RGPD4: variants seen among roughly 807,000 people sequenced by gnomAD.
RGPD4 encodes ranBP2-like and GRIP domain-containing protein 4.
RGPD4 carries 84 observed loss-of-function variants against 141.1 expected under a neutral mutation model. The observed-to-expected ratio is 0.60, with a 90% CI of 0.50 to 0.71. The LOEUF (loss-of-function observed/expected upper bound fraction) is 0.71. Ranked by LOEUF, RGPD4 falls within the 30% of genes least tolerant of loss-of-function variation. RGPD4 has a pLI of 0.00. For missense variants in RGPD4, 918 were observed against 1,622.4 expected, an observed-to-expected ratio of 0.57 and a Z score of 7.46; for synonymous variants, 298 against 566.8, an observed-to-expected ratio of 0.53 and a Z score of 6.74.
In RGPD4 at chr2:107,871,175, A is replaced by G. The variant is rs748504864; in HGVS notation, c.3171A>G (p.Glu1057=). The change falls in exon 20 of 23, where the codon GAA becomes GAG. Residue 1057 remains glutamate, a synonymous_variant. Coordinates refer to ENST00000408999, the MANE Select transcript of RGPD4 (RefSeq NM_182588.3). ...KVELVIGEEG[E]KVLYSQGVKL... ...AACTTGTAATAGGAGAAGAAGGTGA[A>G]AAAGTTCTGTATTCACAGGGGGTAA... 6.2e-7 allele frequency: 1 copy of G among 1,610,510 alleles called. No homozygotes were observed. The highest frequency in any genetic ancestry group is 1.1e-5 in the South Asian group (1 of 90,932).
At chr2:107,864,182 A>G (rs940158786) in intron 17 of RGPD4, among the ~76,000 whole-genome samples, 3 of 147,460 alleles carry the variant, frequency 2.0e-5, no homozygotes, top group South Asian at 4.4e-4. Flanking sequence ...AGGTTCTTTC[A>G]TGTTTATCAG....
intron 7 of RGPD4, among the ~76,000 whole-genome samples, chr2:107,852,331 A>G (rs1471356815): frequency 6.6e-6 from 1 of 152,062 alleles, no homozygotes; most frequent in Non-Finnish European, 1.5e-5. Context: ...CACAAATTCA[A>G]CTGTTGAATA....
At position 107,849,065 on chromosome 2, in the gene RGPD4, AT is replaced by A. The variant is rs960392652; in HGVS notation, c.978+537del. 5.5e-4 allele frequency among the ~76,000 whole-genome samples: 68 copies of A among 122,674 alleles called. 2 individuals carry two copies. Among genetic ancestry groups the A allele is most frequent in the Non-Finnish European group, 9.8e-4 (58 of 59,046 alleles). 80.5% of individuals were successfully genotyped at this position (122,674 alleles called of 152,430 possible). On this transcript the variant is annotated intron_variant, in intron 7 of 22. Transcript: ENST00000408999. ...ACCTTTTCTTATTTTTTATTTTTTT[AT>A]TTTTTTTGAGACCAAGTCTCTCTCT...
rs561727484 is a variant in RGPD4, at chr2:107,882,767, C to A, written c.5160C>A (p.Phe1720Leu). Residue 1720 changes from phenylalanine (F) to leucine (L), a missense_variant, in exon 22 of 23, where the codon TTC (phenylalanine) becomes TTA (leucine). Phe to Leu is a conservative substitution (Grantham distance 22). Transcript: ENST00000408999. ...ACTTGAAGAACGTCTTGCTGCAGTT[C>A]ATTTTCTTGAAGCCAGGTAGTGAAA... ...VEHLKNVLLQFIFLKPGSERE... is the reference protein window; with the variant it reads ...VEHLKNVLLQLIFLKPGSERE... The A allele has an allele frequency of 6.2e-7, 1 of 1,611,384 alleles. No individual in the cohort carries two copies. Among genetic ancestry groups the A allele is most frequent in the African/African-American group, 1.3e-5 (1 of 74,392 alleles).
At chr2:107,854,229 T>TC (rs1279377972) in intron 7 of RGPD4, among the ~76,000 whole-genome samples, 5 of 142,836 alleles carry the variant, frequency 3.5e-5, no homozygotes, top group Non-Finnish European at 7.6e-5. Context: ...CTCTTTGTTT[T>TC]TTTTTTTTAT....
chr2:107,829,486 G>A (rs1374756774), intron 1 of RGPD4, among the ~76,000 whole-genome samples: 1 of 94,000 alleles, frequency 1.1e-5, no homozygotes, highest in Non-Finnish European at 2.3e-5. Flanking sequence ...TGGCTCAGGC[G>A]TCATGGCTAC....
At chr2:107,846,422 AT>A (rs1376027705) in intron 6 of RGPD4, among the ~76,000 whole-genome samples, 3 of 151,922 alleles carry the variant, frequency 2.0e-5, no homozygotes, top group Non-Finnish European at 4.4e-5. Context: ...CAAATAAAAA[AT>A]GTAATCCATT....
chr2:107,883,050 G>A (rs977750415), intron 22 of RGPD4, 177 bp downstream of exon 22: 70 of 1,100,792 alleles, frequency 6.4e-5, no homozygotes, highest in Non-Finnish European at 8.8e-5. Flanking sequence ...TGGGGCAACT[G>A]TAGTACATTT....
In RGPD4 at chr2:107,854,225, G is replaced by GT. The variant is rs1205040896; in HGVS notation, c.979-319dup. ...TGTGTGCCACCACGCCTGGCTCTTT[G>GT]TTTTTTTTTTTTATTTTTAGTAGAG... On this transcript the variant is annotated intron_variant, in intron 7 of 22. Transcript: ENST00000408999. 7.9e-3 allele frequency among the ~76,000 whole-genome samples: 1,077 copies of GT among 136,424 alleles called. 9 individuals are homozygous for GT. Among genetic ancestry groups the GT allele is most frequent in the African/African-American group, 0.024 (830 of 34,892 alleles). The allele number at this position is 136,424 out of a possible 152,430, so 89.5% of individuals were successfully genotyped here.
In RGPD4 at chr2:107,846,318, G is replaced by C. The variant is rs200604851; in HGVS notation, c.783-2023G>C. On this transcript the variant is annotated intron_variant, in intron 6 of 22. Coordinates refer to ENST00000408999, the MANE Select transcript of RGPD4 (RefSeq NM_182588.3). Reference sequence around the variant, plus strand: ...CTTGACATCGTGATCCGCCTGCCTTGGCCTTCCAAAGTGCTGGGATTGCAG... The same window carrying C: ...CTTGACATCGTGATCCGCCTGCCTTCGCCTTCCAAAGTGCTGGGATTGCAG... 2.0e-5 allele frequency among the ~76,000 whole-genome samples: 3 copies of C among 151,434 alleles called. No homozygotes were observed. In the East Asian group the frequency reaches 5.8e-4, roughly 29 times the overall value.
rs2259939 is a variant in RGPD4, at chr2:107,838,847, G to T, written c.288G>T (p.Leu96=). 45,708 of 642,528 alleles carry T rather than the reference G, an allele frequency of 0.071. 20,380 individuals carry two copies. The highest frequency in any genetic ancestry group is 0.33 in the African/African-American group (4,176 of 12,668). The allele number at this position is 642,528 out of a possible 1,614,324, so 39.8% of individuals were successfully genotyped here. Residue 96 remains leucine, a synonymous_variant, in exon 4 of 23, where the codon CTG becomes CTT. Coordinates refer to ENST00000408999, the MANE Select transcript of RGPD4 (RefSeq NM_182588.3). The part of the protein sequence containing the change: ...SVELNPTQKD[L]VLKIAELLCK... Reference sequence around the variant, plus strand: ...AATTAAACCCAACACAAAAAGATCTGGTGTTGAAGATTGCAGAATTGCTTT... The same window carrying T: ...AATTAAACCCAACACAAAAAGATCTTGTGTTGAAGATTGCAGAATTGCTTT...
intron 6 of RGPD4, among the ~76,000 whole-genome samples, chr2:107,845,995 C>G (rs1312456504): frequency 8.1e-6 from 1 of 123,348 alleles, no homozygotes; most frequent in Non-Finnish European, 1.7e-5. Context: ...GGCGCCATCT[C>G]GGCTCACTGC....
intron 9 of RGPD4, among the ~76,000 whole-genome samples, chr2:107,857,657 A>C (rs1682372612): frequency 6.6e-6 from 1 of 150,770 alleles, no homozygotes; most frequent in East Asian, 1.9e-4. Context: ...CTAGTCTCCA[A>C]CTCCTAGGCT....
At chr2:107,857,101 TTGAA>T (rs1201822080) in intron 9 of RGPD4, 132 bp downstream of exon 9, 1 of 225,214 alleles carries the variant, frequency 4.4e-6, no homozygotes, top group Non-Finnish European at 8.1e-6. Flanking sequence ...TGGGGGGAGT[TTGAA>T]TGTGGTGCTG....
intron 20 of RGPD4, 27 bp from the exon 21 acceptor site, chr2:107,879,941 A>T: frequency 5.6e-6 from 9 of 1,610,070 alleles, no homozygotes; most frequent in Non-Finnish European, 7.6e-6. Flanking sequence ...GATTTTGAAA[A>T]TTAATTCTTG....
intron 18 of RGPD4, among the ~76,000 whole-genome samples, chr2:107,866,818 G>T (rs192605661): frequency 8.8e-6 from 1 of 113,778 alleles, no homozygotes; most frequent in Non-Finnish European, 1.9e-5. Flanking sequence ...TATAATAGCT[G>T]TGTAAGTTAA....
chr2:107,888,495 C>A (rs1253706057), intron 22 of RGPD4, among the ~76,000 whole-genome samples: 1 of 151,114 alleles, frequency 6.6e-6, no homozygotes, highest in Non-Finnish European at 1.5e-5. Flanking sequence ...AATATCGCTT[C>A]CTTCTACTTT....
intron 20 of RGPD4, among the ~76,000 whole-genome samples, chr2:107,874,618 T>G (rs928367581): frequency 6.6e-6 from 1 of 151,064 alleles, no homozygotes; most frequent in Non-Finnish European, 1.5e-5. Context: ...AATGTATACT[T>G]GCGTACAGTT....
At chr2:107,882,103 C>T (rs1011341973) in intron 21 of RGPD4, among the ~76,000 whole-genome samples, 18 of 151,892 alleles carry the variant, frequency 1.2e-4, no homozygotes, top group Non-Finnish European at 1.8e-4. Context: ...CTCATGGAGA[C>T]GTTCCATCAG....
Sources: gnomAD v4.1 joint callset for allele counts (sites outside exome capture counted in the v4.1 genomes callset) on GRCh38, gnomAD v4.1.1 for gene constraint, MANE v1.5 for transcripts, NCBI Gene and HGNC (gene_info 2026-07-23, HGNC 2026-07-21) for gene names.